SALL2: variants seen among roughly 807,000 people sequenced by gnomAD.
SALL2 encodes spalt like transcription factor 2.
In SALL2, 32 loss-of-function variants were observed where a neutral mutation model predicts 58.5. That is an observed-to-expected ratio of 0.55 (90% CI 0.41 to 0.74). SALL2 has a LOEUF of 0.74. Among genes scored for constraint, SALL2 ranks in the 30% least tolerant of loss-of-function variants. The probability of loss-of-function intolerance (pLI) is 0.00; values close to 1 mark genes in which losing one functional copy is unlikely to be tolerated. For missense variants in SALL2, 1,201 were observed against 1,268.9 expected (o/e 0.95, Z 0.81); for synonymous variants, 516 against 513.6 (o/e 1.00, Z -0.06).
Position 21,523,430 on chromosome 14 carries a change from C to G in SALL2, c.2292G>C (p.Glu764Asp), listed in dbSNP as rs752589420. The G allele has an allele frequency of 6.2e-7, 1 of 1,613,884 alleles. No individual in the cohort carries two copies. Among genetic ancestry groups the G allele is most frequent in the Non-Finnish European group, 8.5e-7 (1 of 1,179,902 alleles). The change falls in exon 2 of 2, where the codon GAG (glutamate) becomes GAC (aspartate). Residue 764 changes from glutamate (E) to aspartate (D), a missense_variant. Glu to Asp is a conservative substitution (Grantham distance 45). Coordinates refer to ENST00000537235, the MANE Select transcript of SALL2 (RefSeq NM_001364564.1). The surrounding 1 kb of genome is among the most constrained non-coding windows in gnomAD (Gnocchi z 4.4). Reference protein sequence around the residue: ...PSPEEELSEEEEEEDEEEEED... With the variant: ...PSPEEELSEEDEEEDEEEEED... ...CCTCTTCTTCCTCATCCTCCTCTTC[C>G]TCCTCCTCAGACAACTCCTCTTCCG...
At position 21,521,372 on chromosome 14, in the gene SALL2, C is replaced by T. The variant is rs1347025055; in HGVS notation, c.*1332G>A. 6.6e-6 allele frequency: 1 copy of T among 152,252 alleles called. No homozygotes were observed. The highest frequency in any genetic ancestry group is 1.5e-5 in the Non-Finnish European group (1 of 68,138). 9.4% of individuals were successfully genotyped at this position (152,252 alleles called of 1,614,324 possible). On this transcript the variant is annotated 3_prime_UTR_variant, in exon 2 of 2. Coordinates refer to ENST00000537235, the MANE Select transcript of SALL2 (RefSeq NM_001364564.1). ...TAAGAACCAGACAATGACAAAGACA[C>T]AAGCCCCAGCCTACGGATAGGCAAA...
At position 21,526,093 on chromosome 14, in the gene SALL2, C is replaced by G; in HGVS notation, c.35G>C (p.Gly12Ala). The change falls in exon 1 of 2, where the codon GGG becomes GCG. Residue 12 changes from glycine (G) to alanine (A), a missense_variant. By Grantham distance (60) the Gly-to-Ala change is moderately conservative. Around this residue, in one of 3 missense-constraint regions of SALL2, gnomAD observed 467 missense variants for 468.9 expected, o/e 1.00. Transcript: ENST00000537235. Reference protein sequence around the residue: ...AHESERSSRLGVPCGEPAELG... With the variant: ...AHESERSSRLAVPCGEPAELG... ...CTCTGCCGGCTCCCCGCAGGGCACC[C>G]CGAGACGAGAGCTCCTCTCGGATTC... 6.5e-7 allele frequency: 1 copy of G among 1,537,950 alleles called. No individual in the cohort carries two copies. Among genetic ancestry groups the G allele is most frequent in the Non-Finnish European group, 8.7e-7 (1 of 1,147,908 alleles).
At chr14:21,531,016 T>A (rs972669469), upstream of SALL2, among the ~76,000 whole-genome samples, 1 of 152,242 alleles carries the variant, frequency 6.6e-6, no homozygotes, top group Non-Finnish European at 1.5e-5. Context: ...AAATATCTCA[T>A]CTTCTCCTCC....
intron 1 of SALL2, among the ~76,000 whole-genome samples, chr14:21,536,154 C>T (rs1036973388): frequency 1.3e-5 from 2 of 152,198 alleles, no homozygotes; most frequent in Non-Finnish European, 2.9e-5. Flanking sequence ...TTCAAAAACA[C>T]GGTATCCTCA....
rs1300866925 is a variant in SALL2, at chr14:21,524,128, A to G, written c.1594T>C (p.Ser532Pro). The change falls in exon 2 of 2, where the codon TCA (serine) becomes CCA (proline). Residue 532 changes from serine to proline, a missense_variant. Around this residue, in one of 3 missense-constraint regions of SALL2, gnomAD observed 675 missense variants for 683.8 expected, o/e 0.99. Transcript: ENST00000537235. ...CTTTCTGCCACTCCACTGATGGCTG[A>G]GCCCTCACTCCCTGGGGGGGTGTTT... ...DENTPPGSEG[S>P]AISGVAESST... is the part of the protein sequence containing the mutation. 6.2e-7 allele frequency: 1 copy of G among 1,613,438 alleles called. No individual in the cohort carries two copies.
chr14:21,534,369 A>G (rs1467107605), intron 1 of SALL2, among the ~76,000 whole-genome samples: 1 of 152,028 alleles, frequency 6.6e-6, no homozygotes. Flanking sequence ...TGCTCCTTAC[A>G]TTTGTTCCTG....
upstream of SALL2, among the ~76,000 whole-genome samples, chr14:21,528,456 C>T (rs746580016): frequency 6.6e-6 from 1 of 152,068 alleles, no homozygotes; most frequent in Non-Finnish European, 1.5e-5. Context: ...ATAAATTTTG[C>T]CTGTGTTTTT....
chr14:21,536,741 A>C, intron 1 of SALL2: 1 of 808,994 alleles, frequency 1.2e-6, no homozygotes, highest in East Asian at 2.6e-5. Flanking sequence ...CCAGTGACCA[A>C]GTCCGCCCCC....
At position 21,525,019 on chromosome 14, in the gene SALL2, G is replaced by A; in HGVS notation, c.703C>T (p.Pro235Ser). The change falls in exon 2 of 2, where the codon CCC becomes TCC. Residue 235 changes from proline to serine, a missense_variant. Pro to Ser is a moderately conservative substitution (Grantham distance 74). Transcript: ENST00000537235. The surrounding 1 kb of genome is among the most constrained non-coding windows in gnomAD (Gnocchi z 4.4). ...ATGGGGCTGAAGAGGGGTAGTAGGG[G>A]CTTGGTGGAAGAGGCAGTCCCTGTC... ...PGTGTASSTK[P>S]LLPLFSPIKP... The A allele has an allele frequency of 6.2e-7, 1 of 1,613,886 alleles. No individual in the cohort carries two copies. The highest frequency in any genetic ancestry group is 1.1e-5 in the South Asian group (1 of 91,050).
In SALL2 at chr14:21,525,196, T is replaced by C; in HGVS notation, c.526A>G (p.Asn176Asp). ...AGCTCTTCCAAGATCAGGGGGATATTCAAGTGGCCACTGCCTACCCCTGGG... is the reference window on the plus strand; with the variant it reads ...AGCTCTTCCAAGATCAGGGGGATATCCAAGTGGCCACTGCCTACCCCTGGG... ...PPPGVGSGHL[N>D]IPLILEELRV... The change falls in exon 2 of 2, where the codon AAT becomes GAT. Residue 176 changes from asparagine (N) to aspartate (D), a missense_variant. Coordinates refer to ENST00000537235, the MANE Select transcript of SALL2 (RefSeq NM_001364564.1). The surrounding 1 kb of genome is among the most constrained non-coding windows in gnomAD (Gnocchi z 4.4). The C allele has an allele frequency of 6.2e-7, 1 of 1,613,294 alleles. No individual in the cohort carries two copies. The highest frequency in any genetic ancestry group is 8.5e-7 in the Non-Finnish European group (1 of 1,179,714).
Position 21,521,848 on chromosome 14 carries a change from C to A in SALL2, c.*856G>T, listed in dbSNP as rs912463279. 3 of 827,822 alleles carry A rather than the reference C, an allele frequency of 3.6e-6. No individual in the cohort carries two copies. The highest frequency in any genetic ancestry group is 2.9e-5 in the Admixed American group (1 of 34,182). 51.3% of individuals were successfully genotyped at this position (827,822 alleles called of 1,614,324 possible). ...GTCTTGGCACACTGACCAGCCAAAA[C>A]CTTTACCTTAATGTGACCATCAGGG... On this transcript the variant is annotated 3_prime_UTR_variant, in exon 2 of 2. Coordinates refer to ENST00000537235, the MANE Select transcript of SALL2 (RefSeq NM_001364564.1).
In SALL2 at chr14:21,532,149, A is replaced by G. The variant is rs967007808; in HGVS notation, c.-114+4813T>C. Among the ~76,000 whole-genome samples, 73 of 152,306 alleles carry G rather than the reference A, an allele frequency of 4.8e-4. 1 individual carries two copies. The highest frequency in any genetic ancestry group is 1.7e-3 in the African/African-American group (70 of 41,558). ...TCAGACAAATTTGACTTTAATTGAG[A>G]AAAAAAGAGAAAACATACTAAGTGC... On this transcript the variant is annotated intron_variant, in intron 1 of 1. Coordinates refer to the SALL2 transcript ENST00000541965.
exon 1 of SALL2, chr14:21,537,043 T>C (rs1892616833): frequency 1.4e-6 from 1 of 734,610 alleles, no homozygotes; most frequent in Non-Finnish European, 2.4e-6. Flanking sequence ...CGCAAATCAC[T>C]GTGAAGCAGA....
At position 21,525,250 on chromosome 14, in the gene SALL2, G is replaced by C. The variant is rs773866331; in HGVS notation, c.472C>G (p.Pro158Ala). 1 of 1,612,148 alleles carries C rather than the reference G, an allele frequency of 6.2e-7. No individual in the cohort carries two copies. The highest frequency in any genetic ancestry group is 8.5e-7 in the Non-Finnish European group (1 of 1,178,930). Residue 158 changes from proline to alanine, a missense_variant, in exon 2 of 2, where the codon CCC becomes GCC. Transcript: ENST00000537235. The surrounding 1 kb of genome is among the most constrained non-coding windows in gnomAD (Gnocchi z 4.4). ...TPLPPESTPA[P>A]PPPPPPPPPP... ...GGAGGGGGTGGTGGAGGAGGAGGGG[G>C]TGCAGGGGTCGATTCTGGAGGTAAT... is the stretch of plus-strand genomic sequence containing the variant.
chr14:21,528,807 G>A (rs974469143), upstream of SALL2, among the ~76,000 whole-genome samples: 1 of 152,140 alleles, frequency 6.6e-6, no homozygotes, highest in Non-Finnish European at 1.5e-5. Flanking sequence ...AGGGCCCTGT[G>A]TGGCTTCTAC....
chr14:21,523,623 T>C lies in SALL2; in HGVS notation c.2099A>G (p.Asn700Ser), dbSNP rs139417213. The C allele has an allele frequency of 5.3e-5, 85 of 1,614,106 alleles. No homozygotes were observed. Among genetic ancestry groups the C allele is most frequent in the Non-Finnish European group, 5.8e-5 (68 of 1,180,042 alleles). ...SCPICQKKFT[N>S]AVTLQQHVRM... ...GACATGCTGCTGCAGAGTGACAGCATTGGTGAACTTCTTCTGGCAGATGGG... is the reference window on the plus strand; with the variant it reads ...GACATGCTGCTGCAGAGTGACAGCACTGGTGAACTTCTTCTGGCAGATGGG... Residue 700 changes from asparagine (N) to serine (S), a missense_variant, in exon 2 of 2, where the codon AAT becomes AGT. Transcript: ENST00000537235. The surrounding 1 kb of genome is among the most constrained non-coding windows in gnomAD (Gnocchi z 4.4).
chr14:21,524,318 T>A lies in SALL2; in HGVS notation c.1404A>T (p.Gly468=), dbSNP rs747740441. The A allele has an allele frequency of 1.2e-6, 2 of 1,613,874 alleles. No homozygotes were observed. Among genetic ancestry groups the A allele is most frequent in the East Asian group, 4.5e-5 (2 of 44,870 alleles). ...KAEEEAATPG[G]GVERKPLVAS... ...CCACCAGAGGCTTGCGCTCAACCCC[T>A]CCACCTGGAGTGGCTGCCTCCTCCT... The change falls in exon 2 of 2, where the codon GGA becomes GGT. Residue 468 remains glycine (G), a synonymous_variant. Transcript: ENST00000537235.
At chr14:21,535,023 C>T (rs144038930) in intron 1 of SALL2, among the ~76,000 whole-genome samples, 1 of 152,146 alleles carries the variant, frequency 6.6e-6, no homozygotes, top group East Asian at 1.9e-4. Context: ...AATACACTCT[C>T]TTAGAGCTTT....
At chr14:21,530,264 TTTC>T (rs983582245), upstream of SALL2, among the ~76,000 whole-genome samples, 5 of 149,314 alleles carry the variant, frequency 3.3e-5, no homozygotes, top group African/African-American at 4.9e-5. Flanking sequence ...TTGAGCCATA[TTTC>T]TTTTTTTTTC....
Sources: allele counts gnomAD v4.1 joint callset (sites outside exome capture counted in the v4.1 genomes callset), GRCh38; gene constraint gnomAD v4.1.1; regional missense constraint gnomAD v4.1.1; non-coding constraint Gnocchi (gnomAD v3.1); transcripts MANE v1.5; gene names NCBI Gene and HGNC (gene_info 2026-07-23, HGNC 2026-07-21).